STRBP: variants seen among roughly 807,000 people sequenced by gnomAD.
STRBP encodes spermatid perinuclear RNA-binding protein.
STRBP carries 13 observed loss-of-function variants against 80.1 expected under a neutral mutation model. The observed-to-expected ratio is 0.16, with a 90% CI of 0.11 to 0.26. The LOEUF is 0.26. Among genes scored for constraint, STRBP ranks in the 10% least tolerant of loss-of-function variants. The pLI is 1.00. For synonymous variants in STRBP, 284 were observed against 291.2 expected, an observed-to-expected ratio of 0.98 and a Z score of 0.25; for missense variants, 485 against 815.2, an observed-to-expected ratio of 0.59 and a Z score of 4.93.
chr9:123,245,372 T>A lies in STRBP; in HGVS notation c.-301-8406A>T, dbSNP rs1424368451. ...CAAGGTGAAATCCAAGCATCTGTAT[T>A]TCTTTTTTTTGTTGTTTTTGTTTGT... On this transcript the variant is annotated intron_variant, in intron 1 of 18. Transcript: ENST00000348403. Among the ~76,000 whole-genome samples, 3 of 152,320 alleles carry A rather than the reference T, an allele frequency of 2.0e-5. No homozygotes were observed. In the East Asian group the frequency reaches 5.8e-4, roughly 29 times the overall value.
intron 2 of STRBP, among the ~76,000 whole-genome samples, chr9:123,226,658 T>C (rs2040245182): frequency 1.3e-5 from 2 of 152,318 alleles, no homozygotes; most frequent in South Asian, 2.1e-4. Context: ...CAAATATATC[T>C]TGAATGGTTA....
chr9:123,112,040 T>C, intron 3 of STRBP: 1 of 176,822 alleles, frequency 5.7e-6, no homozygotes, highest in Non-Finnish European at 1.3e-5. Flanking sequence ...CTCCAGGGCC[T>C]GCCAGGCTGC....
chr9:123,123,235 A>G lies in STRBP; in HGVS notation c.*2362T>C. 6.1e-6 allele frequency: 6 copies of G among 985,440 alleles called. No individual in the cohort carries two copies. The highest frequency in any genetic ancestry group is 7.2e-6 in the Non-Finnish European group (6 of 829,916). The allele number at this position is 985,440 out of a possible 1,614,324, so 61.0% of individuals were successfully genotyped here. On this transcript the variant is annotated 3_prime_UTR_variant, in exon 19 of 19. Coordinates refer to ENST00000348403, the MANE Select transcript of STRBP (RefSeq NM_018387.5). The stretch of plus-strand genomic sequence containing the variant: ...CCACCTACAGTGGAGAAAAGAGCAG[A>G]GAAGCAAAACTTCATGTTAATCTCA...
intron 5 of STRBP, 91 bp downstream of exon 5, chr9:123,173,586 A>T: frequency 7.3e-7 from 1 of 1,367,214 alleles, no homozygotes; most frequent in Non-Finnish European, 9.9e-7. Flanking sequence ...CCTATTAGCT[A>T]TTAGCAATTC....
At chr9:123,140,630 A>C (rs140119663) in intron 13 of STRBP, among the ~76,000 whole-genome samples, 1,530 of 152,228 alleles carry the variant, frequency 0.01, 7 homozygotes, top group Non-Finnish European at 0.016. Flanking sequence ...AACAAACAAA[A>C]AAAAACAAGA....
At chr9:123,204,495 C>T (rs892126485) in intron 2 of STRBP, among the ~76,000 whole-genome samples, 3 of 152,168 alleles carry the variant, frequency 2.0e-5, no homozygotes, top group Admixed American at 6.5e-5. Context: ...TAGTACATGA[C>T]TCCGTAGCTA....
At chr9:123,267,316 G>T (rs1377765302) in intron 1 of STRBP, among the ~76,000 whole-genome samples, 1 of 151,098 alleles carries the variant, frequency 6.6e-6, no homozygotes, top group Non-Finnish European at 1.5e-5. Context: ...CACTTCTCCC[G>T]CTATCCTTTA....
At chr9:123,142,912 G>A (rs2036652950) in intron 13 of STRBP, among the ~76,000 whole-genome samples, 3 of 152,136 alleles carry the variant, frequency 2.0e-5, no homozygotes, top group Admixed American at 2.0e-4. Context: ...GCTTAAAAAT[G>A]ACAAGATCAC....
chr9:123,253,265 T>C (rs1010917379), intron 1 of STRBP, among the ~76,000 whole-genome samples: 6 of 152,236 alleles, frequency 3.9e-5, no homozygotes. Flanking sequence ...TTCTAATTGT[T>C]CATGATAATG....
chr9:123,190,534 C>T (rs969212447), intron 2 of STRBP, among the ~76,000 whole-genome samples: 3 of 151,878 alleles, frequency 2.0e-5, no homozygotes, highest in Non-Finnish European at 4.4e-5. Flanking sequence ...ATATAAAATC[C>T]TCACCTAGTT....
At chr9:123,235,050 C>A (rs1374151449) in intron 2 of STRBP, among the ~76,000 whole-genome samples, 2 of 144,914 alleles carry the variant, frequency 1.4e-5, no homozygotes, top group Non-Finnish European at 3.0e-5. Flanking sequence ...ACACCGGAAA[C>A]ACATTACAAC....
At position 123,125,663 on chromosome 9, in the gene STRBP, C is replaced by T; in HGVS notation, c.1953G>A (p.Lys651=). 6.2e-7 allele frequency: 1 copy of T among 1,612,842 alleles called. No homozygotes were observed. Among genetic ancestry groups the T allele is most frequent in the Non-Finnish European group, 8.5e-7 (1 of 1,179,490 alleles). Residue 651 remains lysine, a synonymous_variant, in exon 19 of 19, where the codon AAG becomes AAA. Transcript: ENST00000348403. ...TCATAACGGGTAACAGAACCATTCTCTTGGGTAAACCTACAGAGAAAAGAA... is the reference window on the plus strand; with the variant it reads ...TCATAACGGGTAACAGAACCATTCTTTTGGGTAAACCTACAGAGAAAAGAA... ...STAAPAYGLP[K]RMVLLPVMKF...
intron 2 of STRBP, chr9:123,213,921 C>CA (rs553752750): frequency 4.8e-3 from 290 of 60,932 alleles, no homozygotes; most frequent in East Asian, 0.01. Flanking sequence ...GACTCCATCT[C>CA]AAAAAAAAAA....
intron 2 of STRBP, among the ~76,000 whole-genome samples, chr9:123,192,318 A>C (rs2132487424): frequency 6.6e-6 from 1 of 152,356 alleles, no homozygotes; most frequent in Non-Finnish European, 1.5e-5. Context: ...TGAATACAAA[A>C]AAAGCAAAAG....
chr9:123,203,457 A>G (rs1368919731), intron 2 of STRBP, among the ~76,000 whole-genome samples: 9 of 152,146 alleles, frequency 5.9e-5, no homozygotes, highest in Non-Finnish European at 8.8e-5. Context: ...TAAGGCTATA[A>G]GGCCCTAATA....
chr9:123,187,214 C>T lies in STRBP; in HGVS notation c.-164-2916G>A, dbSNP rs75520654. Among the ~76,000 whole-genome samples, 781 of 151,200 alleles carry T rather than the reference C, an allele frequency of 5.2e-3. 6 individuals carry two copies. Among genetic ancestry groups the T allele is most frequent in the Middle Eastern group, 0.034 (10 of 290 alleles). On this transcript the variant is annotated intron_variant, in intron 2 of 18. Coordinates refer to ENST00000348403, the MANE Select transcript of STRBP (RefSeq NM_018387.5). The stretch of plus-strand genomic sequence containing the variant: ...CATATCTAGACAATCCTCTTTAATA[C>T]TGTTTTGGCTCTAAAGGACTTACAT...
At chr9:123,252,183 C>A (rs963420930) in intron 1 of STRBP, among the ~76,000 whole-genome samples, 1 of 152,152 alleles carries the variant, frequency 6.6e-6, no homozygotes, top group Admixed American at 6.5e-5. Flanking sequence ...GTGCTGATTG[C>A]AGGACAGTAT....
At chr9:123,211,577 T>A (rs1281321223) in intron 2 of STRBP, among the ~76,000 whole-genome samples, 1 of 152,210 alleles carries the variant, frequency 6.6e-6, no homozygotes, top group Non-Finnish European at 1.5e-5. Flanking sequence ...TAATCCATTA[T>A]CTAATTCTGT....
chr9:123,119,714 T>C (rs994562077), downstream of STRBP, among the ~76,000 whole-genome samples: 2 of 152,124 alleles, frequency 1.3e-5, no homozygotes, highest in Non-Finnish European at 2.9e-5. Context: ...CGGCCAACCA[T>C]GGTAAGAACA....
Sources: gnomAD v4.1 joint callset for allele counts (sites outside exome capture counted in the v4.1 genomes callset) on GRCh38, gnomAD v4.1.1 for gene constraint, MANE v1.5 for transcripts, NCBI Gene and HGNC (gene_info 2026-07-23, HGNC 2026-07-21) for gene names.